SMU1: variants seen among roughly 807,000 people sequenced by gnomAD.
SMU1 encodes the protein SMU1 DNA replication regulator and spliceosomal factor, also known as WD40 repeat-containing protein SMU1.
SMU1 carries 2 observed loss-of-function variants against 62.0 expected under a neutral mutation model. That is an observed-to-expected ratio of 0.03 (90% CI 0.01 to 0.10). The LOEUF (loss-of-function observed/expected upper bound fraction) is 0.10. Ranked by LOEUF, SMU1 falls within the 10% of genes least tolerant of loss-of-function variation. The pLI, the probability that SMU1 is intolerant of heterozygous loss-of-function variation, is 1.00. For missense variants in SMU1, 227 were observed against 622.1 expected (o/e 0.36, Z 6.76); for synonymous variants, 188 against 212.4 (o/e 0.89, Z 1.00).
chr9:33,071,484 C>CT (rs939113808), intron 3 of SMU1, among the ~76,000 whole-genome samples: 3 of 152,162 alleles, frequency 2.0e-5, no homozygotes, highest in African/African-American at 4.8e-5. Context: ...AAATGTTCTG[C>CT]TTTTTTTACT....
intron 2 of SMU1, 127 bp from the exon 3 acceptor site, chr9:33,072,019 C>T: frequency 1.0e-6 from 1 of 968,180 alleles, no homozygotes; most frequent in Non-Finnish European, 1.4e-6. Context: ...GGAAGTGCCC[C>T]TTTCCATTTT....
chr9:33,050,718 C>T (rs796595412), intron 10 of SMU1, among the ~76,000 whole-genome samples: 22 of 151,686 alleles, frequency 1.5e-4, no homozygotes, highest in African/African-American at 3.9e-4. Flanking sequence ...CCCAGCTACT[C>T]GGGAGGCTGA....
In SMU1 at chr9:33,056,249, G is replaced by T; in HGVS notation, c.996-10C>A. 1 of 1,605,278 alleles carries T rather than the reference G, an allele frequency of 6.2e-7. No individual in the cohort carries two copies. Among genetic ancestry groups the T allele is most frequent in the Non-Finnish European group, 8.5e-7 (1 of 1,175,292 alleles). ...TTTTAAACCATGAATTCTACCAAAT[G>T]AAAGTAAATGAAAAGAACAATAAAT... On this transcript the variant is annotated splice_polypyrimidine_tract_variant and intron_variant, in intron 8 of 11. Coordinates refer to ENST00000397149, the MANE Select transcript of SMU1 (RefSeq NM_018225.3).
chr9:33,046,557 A>T lies in SMU1; in HGVS notation c.*736T>A, dbSNP rs1012698788. 1.3e-5 allele frequency: 2 copies of T among 150,946 alleles called. No homozygotes were observed. The highest frequency in any genetic ancestry group is 2.9e-5 in the Non-Finnish European group (2 of 67,844). The allele number at this position is 150,946 out of a possible 1,614,324, so 9.4% of individuals were successfully genotyped here. On this transcript the variant is annotated 3_prime_UTR_variant, in exon 12 of 12. Transcript: ENST00000397149. ...GTACATTTTAGAACAAAGTCTCCAG[A>T]AAGGTATAAAGTTTATTAACATCTT...
Position 33,065,039 on chromosome 9 carries a change from G to A in SMU1, c.502-2862C>T, listed in dbSNP as rs144015709. 4.8e-3 allele frequency among the ~76,000 whole-genome samples: 734 copies of A among 152,158 alleles called. 4 individuals are homozygous for A. Among genetic ancestry groups the A allele is most frequent in the South Asian group, 6.2e-3 (30 of 4,804 alleles). Reference sequence around the variant, plus strand: ...ATTACAGATGTGAACCACCACACCCGGCCACATTTTACTTTTCTTCTTCTA... The same window carrying A: ...ATTACAGATGTGAACCACCACACCCAGCCACATTTTACTTTTCTTCTTCTA... On this transcript the variant is annotated intron_variant, in intron 4 of 11. Coordinates refer to ENST00000397149, the MANE Select transcript of SMU1 (RefSeq NM_018225.3).
At chr9:33,068,981 GAT>G (rs1281030711) in intron 3 of SMU1, 47 bp from the exon 4 acceptor site, 1 of 1,597,918 alleles carries the variant, frequency 6.3e-7, no homozygotes, top group Non-Finnish European at 8.5e-7. Flanking sequence ...GCAACAACAA[GAT>G]ATGAGTGTGC....
intron 10 of SMU1, among the ~76,000 whole-genome samples, chr9:33,052,868 G>A (rs966239251): frequency 6.6e-6 from 1 of 152,212 alleles, no homozygotes; most frequent in African/African-American, 2.4e-5. Context: ...GAGGCTTAAA[G>A]ACAGATAGGA....
intron 10 of SMU1, among the ~76,000 whole-genome samples, chr9:33,049,764 CCACA>C (rs61036431): frequency 0.071 from 10,577 of 148,466 alleles, 489 homozygotes; most frequent in Non-Finnish European, 0.11. Flanking sequence ...GACCCCATTT[CCACA>C]CACACACACA....
chr9:33,052,549 G>C (rs1358157872), intron 10 of SMU1, among the ~76,000 whole-genome samples: 1 of 152,128 alleles, frequency 6.6e-6, no homozygotes. Context: ...TGGTCAGCAA[G>C]ATCCCCAAGT....
intron 4 of SMU1, among the ~76,000 whole-genome samples, chr9:33,062,914 T>C (rs1448734847): frequency 1.3e-5 from 2 of 152,322 alleles, no homozygotes; most frequent in South Asian, 2.1e-4. Context: ...AAAGAGCTGC[T>C]TTCCAAAAAA....
chr9:33,056,590 C>T (rs963018741), intron 8 of SMU1, among the ~76,000 whole-genome samples: 3 of 152,128 alleles, frequency 2.0e-5, no homozygotes, highest in African/African-American at 7.2e-5. Flanking sequence ...GTCCATAAGA[C>T]CATACTCTGA....
intron 5 of SMU1, among the ~76,000 whole-genome samples, chr9:33,060,941 G>C (rs375030678): frequency 1.1e-4 from 17 of 152,280 alleles, no homozygotes; most frequent in African/African-American, 4.1e-4. Context: ...TTCACACTCA[G>C]TATGGCCTAA....
Position 33,047,263 on chromosome 9 carries a change from T to G in SMU1, c.*30A>C, listed in dbSNP as rs769311777. 1 of 1,518,814 alleles carries G rather than the reference T, an allele frequency of 6.6e-7. No homozygotes were observed. Among genetic ancestry groups the G allele is most frequent in the South Asian group, 1.1e-5 (1 of 88,082 alleles). The allele number at this position is 1,518,814 out of a possible 1,614,324, so 94.1% of individuals were successfully genotyped here. On this transcript the variant is annotated 3_prime_UTR_variant, in exon 12 of 12. Transcript: ENST00000397149. ...GAATATGCTTCATTTAAGTACATGCTTTCGAGCTGATTTAAAAAGAAAAGT... is the reference window on the plus strand; with the variant it reads ...GAATATGCTTCATTTAAGTACATGCGTTCGAGCTGATTTAAAAAGAAAAGT...
intron 4 of SMU1, among the ~76,000 whole-genome samples, chr9:33,063,913 T>C (rs538334583): frequency 6.6e-6 from 1 of 152,274 alleles, no homozygotes; most frequent in East Asian, 1.9e-4. Flanking sequence ...AATACCCTAC[T>C]TTAGTCAGTT....
At chr9:33,062,314 T>G in intron 4 of SMU1, 137 bp from the exon 5 acceptor site, 5 of 1,130,508 alleles carry the variant, frequency 4.4e-6, no homozygotes, top group Non-Finnish European at 6.0e-6. Flanking sequence ...TTTTTGGCCA[T>G]CCAAACATAA....
chr9:33,064,470 C>T (rs986127979), intron 4 of SMU1, among the ~76,000 whole-genome samples: 5 of 152,110 alleles, frequency 3.3e-5, no homozygotes, highest in Admixed American at 6.5e-5. Context: ...ACCTCTCCCC[C>T]GCAATTCTAA....
At chr9:33,056,449 C>T (rs114369815) in intron 8 of SMU1, among the ~76,000 whole-genome samples, 12 of 152,182 alleles carry the variant, frequency 7.9e-5, no homozygotes, top group African/African-American at 2.9e-4. Flanking sequence ...GAAAATATGC[C>T]AGTAATACCA....
At position 33,053,331 on chromosome 9, in the gene SMU1, T is replaced by C. The variant is rs756786540; in HGVS notation, c.1123-41A>G. On this transcript the variant is annotated intron_variant, in intron 9 of 11. Coordinates refer to ENST00000397149, the MANE Select transcript of SMU1 (RefSeq NM_018225.3). ...TTAAGTTATAAACCTTTTTTAGGTATAAAAATTTCTAAAGTTTTAGGGTTT... is the reference window on the plus strand; with the variant it reads ...TTAAGTTATAAACCTTTTTTAGGTACAAAAATTTCTAAAGTTTTAGGGTTT... 12 of 1,565,106 alleles carry C rather than the reference T, an allele frequency of 7.7e-6. 1 individual carries two copies. The highest frequency in any genetic ancestry group is 9.5e-6 in the Non-Finnish European group (11 of 1,152,902).
At chr9:33,057,532 G>C (rs2119432219) in intron 7 of SMU1, 66 bp downstream of exon 7, 1 of 1,574,766 alleles carries the variant, frequency 6.4e-7, no homozygotes, top group South Asian at 1.1e-5. Flanking sequence ...ATCATATGTA[G>C]GACACTACCC....
Sources: gnomAD v4.1 joint callset for allele counts (sites outside exome capture counted in the v4.1 genomes callset) on GRCh38, gnomAD v4.1.1 for gene constraint, MANE v1.5 for transcripts, NCBI Gene and HGNC (gene_info 2026-07-23, HGNC 2026-07-21) for gene names.